Variants in PPP2R1A observed in about 807,000 individuals in gnomAD.
The protein encoded by PPP2R1A is serine/threonine-protein phosphatase 2A 65 kDa regulatory subunit A alpha isoform.
Under a neutral mutation model 67.1 loss-of-function variants are expected in PPP2R1A, and 15 were observed. The ratio of observed to expected loss-of-function variants is 0.22; its 90% CI spans 0.15 to 0.34. The LOEUF (loss-of-function observed/expected upper bound fraction) is 0.34, where lower values mean the gene tolerates loss of function less well. Ranked by LOEUF, PPP2R1A falls within the 10% of genes least tolerant of loss-of-function variation. The pLI, the probability that PPP2R1A is intolerant of heterozygous loss-of-function variation, is 1.00. For missense variants in PPP2R1A, 369 were observed against 775.0 expected, an observed-to-expected ratio of 0.48 and a Z score of 6.22; for synonymous variants, 337 against 325.0, an observed-to-expected ratio of 1.04 and a Z score of -0.40.
chr19:52,199,301 G>A (rs1366452134), intron 1 of PPP2R1A, among the ~76,000 whole-genome samples: 1 of 152,078 alleles, frequency 6.6e-6, no homozygotes, highest in East Asian at 1.9e-4. Context: ...CGAGTAGCTG[G>A]GACTATAGGC....
Position 52,213,158 on chromosome 19 carries a change from C to T in PPP2R1A, c.807+48C>T, listed in dbSNP as rs769293765. The T allele has an allele frequency of 1.0e-5, 15 of 1,504,252 alleles. No individual in the cohort carries two copies. In the South Asian group the frequency reaches 1.7e-4, roughly 17 times the overall value. The allele number at this position is 1,504,252 out of a possible 1,614,324, so 93.2% of individuals were successfully genotyped here. A position where few individuals can be genotyped will look rare whatever the true frequency, so the allele number is the denominator to read the frequency against. On this transcript the variant is annotated intron_variant, in intron 6 of 14. Coordinates refer to ENST00000322088, the MANE Select transcript of PPP2R1A (RefSeq NM_014225.6). This position sits in a 1 kb window ranked among gnomAD's most constrained non-coding sequence, Gnocchi z 4.2. ...TGTCCCACTGGTGGGGACACTGACACTCTCAGAAGGGAAGCATATAGGAGC... is the reference window on the plus strand; with the variant it reads ...TGTCCCACTGGTGGGGACACTGACATTCTCAGAAGGGAAGCATATAGGAGC...
Position 52,211,807 on chromosome 19 carries a change from A to G in PPP2R1A, c.503+315A>G, listed in dbSNP as rs542193208. The G allele has an allele frequency of 3.1e-4, 109 of 355,466 alleles. No individual in the cohort carries two copies. Among genetic ancestry groups the G allele is most frequent in the Admixed American group, 1.9e-3 (43 of 22,140 alleles). The allele number at this position is 355,466 out of a possible 1,614,324, so 22.0% of individuals were successfully genotyped here. On this transcript the variant is annotated intron_variant, in intron 4 of 14. Transcript: ENST00000322088. The surrounding 1 kb of genome is among the most constrained non-coding windows in gnomAD (Gnocchi z 5.3). ...CTTAGAGCAAAATCTGGAACATAAA[A>G]ACTTTCAGCAACTTACATCTGATGG...
In PPP2R1A at chr19:52,226,733, G is replaced by C. The variant is rs555731140; in HGVS notation, c.*752G>C. 229 of 161,276 alleles carry C rather than the reference G, an allele frequency of 1.4e-3. No individual in the cohort carries two copies. The highest frequency in any genetic ancestry group is 2.5e-3 in the Non-Finnish European group (182 of 73,180). The allele number at this position is 161,276 out of a possible 1,614,324, so 10.0% of individuals were successfully genotyped here. On this transcript the variant is annotated 3_prime_UTR_variant, in exon 15 of 15. Transcript: ENST00000322088. ...TGGCTCCTTCAGTTAATAGACGTGT[G>C]ACTAGGAGTAGCTTGTTAAGTCTTT...
intron 7 of PPP2R1A, 34 bp downstream of exon 7, chr19:52,215,927 G>A (rs369870144): frequency 2.7e-5 from 43 of 1,612,004 alleles, no homozygotes; most frequent in Non-Finnish European, 3.4e-5. Flanking sequence ...AGCAAGTGGG[G>A]TGGGTATCCA....
Position 52,226,379 on chromosome 19 carries a change from A to C in PPP2R1A, c.*398A>C, listed in dbSNP as rs372430948. 1 of 313,314 alleles carries C rather than the reference A, an allele frequency of 3.2e-6. No individual in the cohort carries two copies. The highest frequency in any genetic ancestry group is 5.9e-6 in the Non-Finnish European group (1 of 169,608). 19.4% of individuals were successfully genotyped at this position (313,314 alleles called of 1,614,324 possible). On this transcript the variant is annotated 3_prime_UTR_variant, in exon 15 of 15. Coordinates refer to ENST00000322088, the MANE Select transcript of PPP2R1A (RefSeq NM_014225.6). ...GTGCCGTTTTTATTTTATTCCTTTTATTTTCCCCCTTTTCACAGAGAAATA... is the reference window on the plus strand; with the variant it reads ...GTGCCGTTTTTATTTTATTCCTTTTCTTTTCCCCCTTTTCACAGAGAAATA...
In PPP2R1A at chr19:52,212,816, C is replaced by T. The variant is rs757523472; in HGVS notation, c.634C>T (p.Leu212=). 5 of 1,605,594 alleles carry T rather than the reference C, an allele frequency of 3.1e-6. No homozygotes were observed. The African/African-American group carries it at 6.7e-5, about 21-fold the overall frequency. Residue 212 remains leucine (L), a synonymous_variant, in exon 5 of 15, where the codon CTG becomes TTG. Coordinates refer to ENST00000322088, the MANE Select transcript of PPP2R1A (RefSeq NM_014225.6). This position sits in a 1 kb window ranked among gnomAD's most constrained non-coding sequence, Gnocchi z 4.1. The part of the protein sequence containing the change: ...KSEIIPMFSN[L]ASDEQDSVRL... The stretch of plus-strand genomic sequence containing the variant: ...TGAGATCATCCCCATGTTCTCCAAC[C>T]TGGCCTCTGACGAGCAGGTGAGTTT...
rs1373810743 is a variant in PPP2R1A, at chr19:52,216,218, G to T, written c.993+144G>T. On this transcript the variant is annotated intron_variant, in intron 8 of 14. Coordinates refer to ENST00000322088, the MANE Select transcript of PPP2R1A (RefSeq NM_014225.6). This position sits in a 1 kb window ranked among gnomAD's most constrained non-coding sequence, Gnocchi z 4.3. ...GCAGCTCTTGGGTTTCAAGCAGTTAGGGGTCCTGACTGCAGCTTGAGGCTG... is the reference window on the plus strand; with the variant it reads ...GCAGCTCTTGGGTTTCAAGCAGTTATGGGTCCTGACTGCAGCTTGAGGCTG... 4 of 933,946 alleles carry T rather than the reference G, an allele frequency of 4.3e-6. No individual in the cohort carries two copies. In the African/African-American group the frequency reaches 6.6e-5, roughly 15 times the overall value. 57.9% of individuals were successfully genotyped at this position (933,946 alleles called of 1,614,324 possible).
Position 52,212,936 on chromosome 19 carries a change from G to C in PPP2R1A, c.652-19G>C, listed in dbSNP as rs764595469. On this transcript the variant is annotated intron_variant, in intron 5 of 14. Transcript: ENST00000322088. The surrounding 1 kb of genome is among the most constrained non-coding windows in gnomAD (Gnocchi z 4.1). The stretch of plus-strand genomic sequence containing the variant: ...GCAAGGCCTCTGCTGCCCTCCCACT[G>C]TTCCTCTCCTCTCCCTAGGACTCGG... 1 of 1,578,354 alleles carries C rather than the reference G, an allele frequency of 6.3e-7. No homozygotes were observed. Among genetic ancestry groups the C allele is most frequent in the Admixed American group, 1.8e-5 (1 of 55,876 alleles).
rs191838323 is a variant in PPP2R1A, at chr19:52,220,263, C to G, written c.1363+14C>G. The G allele has an allele frequency of 3.9e-4, 625 of 1,612,954 alleles. 3 individuals are homozygous for G. The African/African-American group carries it at 7.4e-3, about 19-fold the overall frequency. ...TTGTGGATCATGGTGAGTACCTTCACAGGAGCAGCAAGAGGAGATGGGAGC... is the reference window on the plus strand; with the variant it reads ...TTGTGGATCATGGTGAGTACCTTCAGAGGAGCAGCAAGAGGAGATGGGAGC... On this transcript the variant is annotated intron_variant, in intron 11 of 14. Transcript: ENST00000322088.
At chr19:52,199,872 G>C (rs899934030) in intron 1 of PPP2R1A, among the ~76,000 whole-genome samples, 1 of 152,174 alleles carries the variant, frequency 6.6e-6, no homozygotes, top group Non-Finnish European at 1.5e-5. Flanking sequence ...ATCAGTTGCA[G>C]GTTTTGTAGT....
rs745513453 is a variant in PPP2R1A at position 52,215,871 on chromosome 19, C to T, written c.900C>T (p.Ala300=). Residue 300 remains alanine, a synonymous_variant, in exon 7 of 15, where the codon GCC becomes GCT. Transcript: ENST00000322088. ...AAGACTGTGAGGCCGAGGTGAGGGC[C>T]GCAGCCTCCCACAAGGTCAAAGGTT... The part of the protein sequence containing the change: ...LMKDCEAEVR[A]AASHKVKEFC... The T allele has an allele frequency of 3.1e-6, 5 of 1,613,874 alleles. No individual in the cohort carries two copies. The highest frequency in any genetic ancestry group is 2.2e-5 in the East Asian group (1 of 44,896).
In PPP2R1A at chr19:52,221,139, C is replaced by T. The variant is rs1284716955; in HGVS notation, c.1518+6C>T. On this transcript the variant is annotated splice_donor_region_variant and intron_variant, in intron 12 of 14. Coordinates refer to ENST00000322088, the MANE Select transcript of PPP2R1A (RefSeq NM_014225.6). ...CTACGCTCTTCTGCATCAATGTGAGCCTTCCACCTGCCTGCTGGCCCATCC... is the reference window on the plus strand; with the variant it reads ...CTACGCTCTTCTGCATCAATGTGAGTCTTCCACCTGCCTGCTGGCCCATCC... 1.2e-6 allele frequency: 2 copies of T among 1,614,024 alleles called. No homozygotes were observed. Among genetic ancestry groups the T allele is most frequent in the African/African-American group, 2.7e-5 (2 of 74,950 alleles).
chr19:52,198,191 C>G (rs961544218), intron 1 of PPP2R1A, among the ~76,000 whole-genome samples: 1 of 152,152 alleles, frequency 6.6e-6, no homozygotes, highest in Non-Finnish European at 1.5e-5. Flanking sequence ...CAAGGATTGC[C>G]CAAGATTCCA....
intron 2 of PPP2R1A, among the ~76,000 whole-genome samples, chr19:52,204,872 G>A (rs2089586741): frequency 6.6e-6 from 1 of 152,208 alleles, no homozygotes; most frequent in African/African-American, 2.4e-5. Flanking sequence ...CCTATGAAGT[G>A]AGAACAGCCC....
chr19:52,194,520 G>A (rs1483803430), intron 1 of PPP2R1A, among the ~76,000 whole-genome samples: 1 of 152,102 alleles, frequency 6.6e-6, no homozygotes, highest in Non-Finnish European at 1.5e-5. Flanking sequence ...CTGTCATAGG[G>A]GTTGGGCCCT....
At chr19:52,198,804 T>C (rs888409179) in intron 1 of PPP2R1A, among the ~76,000 whole-genome samples, 14 of 152,326 alleles carry the variant, frequency 9.2e-5, no homozygotes, top group Admixed American at 3.9e-4. Context: ...GTGTCCTCAC[T>C]CGCCTCTGTG....
At chr19:52,204,886 G>A (rs10415475) in intron 2 of PPP2R1A, among the ~76,000 whole-genome samples, 3 of 152,278 alleles carry the variant, frequency 2.0e-5, no homozygotes, top group African/African-American at 7.2e-5. Context: ...ACAGCCCTGT[G>A]GTGATTTAGG....
chr19:52,196,357 C>A (rs566343855), intron 1 of PPP2R1A, among the ~76,000 whole-genome samples: 1 of 152,284 alleles, frequency 6.6e-6, no homozygotes, highest in East Asian at 1.9e-4. Flanking sequence ...TCAAAGCTAT[C>A]ACAGAATTGG....
intron 7 of PPP2R1A, 31 bp from the exon 8 acceptor site, chr19:52,215,973 C>T (rs746443691): frequency 2.5e-6 from 4 of 1,611,506 alleles, no homozygotes; most frequent in Non-Finnish European, 2.5e-6. Context: ...TCAGGTCTCA[C>T]TTCCCTTTGC....
Sources: allele counts gnomAD v4.1 joint callset (sites outside exome capture counted in the v4.1 genomes callset), GRCh38; gene constraint gnomAD v4.1.1; non-coding constraint Gnocchi (gnomAD v3.1); transcripts MANE v1.5; gene names NCBI Gene and HGNC (gene_info 2026-07-23, HGNC 2026-07-21).